Variants in SGPL1 observed in about 807,000 individuals in gnomAD.
SGPL1 encodes the protein SP-lyase 1.
SGPL1 carries 37 observed loss-of-function variants against 68.9 expected under a neutral mutation model. The observed-to-expected ratio is 0.54, with a 90% CI of 0.41 to 0.71. The LOEUF is 0.71. Ranked by LOEUF, SGPL1 falls within the 30% of genes least tolerant of loss-of-function variation. SGPL1 has a pLI of 0.00. For missense variants in SGPL1, 551 were observed against 704.6 expected (o/e 0.78, Z 2.47); for synonymous variants, 236 against 248.5 (o/e 0.95, Z 0.47).
At chr10:70,867,736 G>A (rs188860413) in intron 7 of SGPL1, among the ~76,000 whole-genome samples, 36 of 152,224 alleles carry the variant, frequency 2.4e-4, no homozygotes, top group African/African-American at 8.7e-4. Flanking sequence ...GTAAAGAAAT[G>A]TGTTTATCAG....
chr10:70,869,625 T>C (rs1230390535), intron 8 of SGPL1, among the ~76,000 whole-genome samples, 167 bp from the exon 9 acceptor site: 3 of 152,212 alleles, frequency 2.0e-5, no homozygotes, highest in Admixed American at 1.3e-4. Flanking sequence ...TCAGTTGGCC[T>C]CTTTTTGGGT....
At chr10:70,824,221 A>G (rs1845391842) in intron 2 of SGPL1, among the ~76,000 whole-genome samples, 1 of 152,150 alleles carries the variant, frequency 6.6e-6, no homozygotes, top group Non-Finnish European at 1.5e-5. Context: ...GACCATTTTC[A>G]GCATAAAAGC....
intron 6 of SGPL1, among the ~76,000 whole-genome samples, chr10:70,858,627 T>G (rs1345970687): frequency 6.6e-6 from 1 of 152,248 alleles, no homozygotes; most frequent in Non-Finnish European, 1.5e-5. Context: ...CTTCCCATTA[T>G]CTACAGGATG....
intron 14 of SGPL1, among the ~76,000 whole-genome samples, chr10:70,876,889 A>G (rs947013097): frequency 6.6e-6 from 1 of 152,250 alleles, no homozygotes; most frequent in Non-Finnish European, 1.5e-5. Context: ...ACTTCTGTAT[A>G]AAAGCAGCTG....
chr10:70,861,343 C>T lies in SGPL1; in HGVS notation c.615+1844C>T, dbSNP rs558550325. 2.6e-5 allele frequency among the ~76,000 whole-genome samples: 4 copies of T among 152,240 alleles called. No homozygotes were observed. In the East Asian group the frequency reaches 7.7e-4, roughly 29 times the overall value. ...AGAGCAGCCAGAGAAAATAGATTAC[C>T]TACAAAGGCATAACTGTTAGGACAA... On this transcript the variant is annotated intron_variant, in intron 7 of 14. Coordinates refer to ENST00000373202, the MANE Select transcript of SGPL1 (RefSeq NM_003901.4).
chr10:70,878,461 A>G lies in SGPL1; in HGVS notation c.*1126A>G, dbSNP rs560007421. 6.6e-6 allele frequency: 1 copy of G among 152,356 alleles called. No homozygotes were observed. The highest frequency in any genetic ancestry group is 1.9e-4 in the East Asian group (1 of 5,196). The allele number at this position is 152,356 out of a possible 1,614,324, so 9.4% of individuals were successfully genotyped here. A position where few individuals can be genotyped will look rare whatever the true frequency, so the allele number is the denominator to read the frequency against. ...CATGGTGCCGCCTTCCTGAATTGGC[A>G]GTGGTCAGAGCACACCTGAACCCTA... On this transcript the variant is annotated 3_prime_UTR_variant, in exon 15 of 15. Transcript: ENST00000373202.
At chr10:70,861,482 C>CA (rs1846052813) in intron 7 of SGPL1, among the ~76,000 whole-genome samples, 1 of 152,178 alleles carries the variant, frequency 6.6e-6, no homozygotes, top group Non-Finnish European at 1.5e-5. Context: ...AGCGTGCTGG[C>CA]AGTCCTCACA....
At position 70,857,656 on chromosome 10, in the gene SGPL1, G is replaced by C; in HGVS notation, c.452G>C (p.Ser151Thr). Residue 151 changes from serine (S) to threonine (T), a missense_variant, in exon 6 of 15, where the codon AGT (serine) becomes ACT (threonine). By Grantham distance (58) the Ser-to-Thr change is moderately conservative (BLOSUM62 1). Coordinates refer to ENST00000373202, the MANE Select transcript of SGPL1 (RefSeq NM_003901.4). ...QEGRASGTVY[S>T]GEEKLTELLV... ...GGGAGAGCCTCTGGAACAGTGTACA[G>C]TGGGGAGGAGAAGCTCACTGAGCTC... 1 of 1,613,196 alleles carries C rather than the reference G, an allele frequency of 6.2e-7. No homozygotes were observed. Among genetic ancestry groups the C allele is most frequent in the Non-Finnish European group, 8.5e-7 (1 of 1,179,518 alleles).
intron 7 of SGPL1, among the ~76,000 whole-genome samples, chr10:70,861,474 C>T (rs1457440581): frequency 6.6e-6 from 1 of 152,172 alleles, no homozygotes; most frequent in South Asian, 2.1e-4. Flanking sequence ...GAGGTCACAG[C>T]GTGCTGGCAG....
intron 2 of SGPL1, among the ~76,000 whole-genome samples, chr10:70,839,558 T>A (rs1468401050): frequency 6.6e-6 from 1 of 152,110 alleles, no homozygotes; most frequent in Admixed American, 6.6e-5. Context: ...GATAAAGACA[T>A]AAAGATTGAT....
rs1419127413 is a variant in SGPL1, at chr10:70,819,932, C to G, written c.27+3052C>G. Among the ~76,000 whole-genome samples, 13 of 152,294 alleles carry G rather than the reference C, an allele frequency of 8.5e-5. No homozygotes were observed. The East Asian group carries it at 2.3e-3, about 27-fold the overall frequency. On this transcript the variant is annotated intron_variant, in intron 2 of 14. Coordinates refer to ENST00000373202, the MANE Select transcript of SGPL1 (RefSeq NM_003901.4). ...GGATTACAGGCATGAGCCACTGTACCTGGCCTGTGATGCAGCTTATATTAT... is the reference window on the plus strand; with the variant it reads ...GGATTACAGGCATGAGCCACTGTACGTGGCCTGTGATGCAGCTTATATTAT...
At chr10:70,825,657 T>C (rs1270614941) in intron 2 of SGPL1, among the ~76,000 whole-genome samples, 1 of 152,166 alleles carries the variant, frequency 6.6e-6, no homozygotes, top group Non-Finnish European at 1.5e-5. Flanking sequence ...CCTTTAAAAG[T>C]ACTGCAGTCC....
intron 7 of SGPL1, chr10:70,860,343 G>A: frequency 4.3e-6 from 2 of 462,038 alleles, no homozygotes; most frequent in Non-Finnish European, 8.9e-6. Flanking sequence ...TTTAATTATT[G>A]AAGGGCCCAT....
At chr10:70,826,100 G>A (rs561690265) in intron 2 of SGPL1, among the ~76,000 whole-genome samples, 2 of 152,122 alleles carry the variant, frequency 1.3e-5, no homozygotes, top group East Asian at 3.9e-4. Context: ...CATGAGAATC[G>A]CTTGAACGCG....
At chr10:70,829,712 C>T (rs906071992) in intron 2 of SGPL1, among the ~76,000 whole-genome samples, 6 of 152,000 alleles carry the variant, frequency 3.9e-5, no homozygotes, top group South Asian at 2.1e-4. Flanking sequence ...AAATTAGAGC[C>T]GAAGGTTTTG....
At position 70,859,766 on chromosome 10, in the gene SGPL1, A is replaced by G. The variant is rs1261940681; in HGVS notation, c.615+267A>G. Among the ~76,000 whole-genome samples, 3 of 152,210 alleles carry G rather than the reference A, an allele frequency of 2.0e-5. No homozygotes were observed. In the East Asian group the frequency reaches 5.8e-4, roughly 29 times the overall value. On this transcript the variant is annotated intron_variant, in intron 7 of 14. Coordinates refer to ENST00000373202, the MANE Select transcript of SGPL1 (RefSeq NM_003901.4). ...AACATTTTGGTATATATTCTTCTAGATATTTTTATTTTCACCTTTTTATTT... is the reference window on the plus strand; with the variant it reads ...AACATTTTGGTATATATTCTTCTAGGTATTTTTATTTTCACCTTTTTATTT...
rs1359889606 is a variant in SGPL1, at chr10:70,878,701, GAA to G, written c.*1368_*1369del. ...GCCTTGACTTACCCTAGGTGGGTGTGAAAGAGCACCCGTAGCAAGGAAAATTT... is the reference window on the plus strand; with the variant it reads ...GCCTTGACTTACCCTAGGTGGGTGTGAGAGCACCCGTAGCAAGGAAAATTT... On this transcript the variant is annotated 3_prime_UTR_variant, in exon 15 of 15. Coordinates refer to ENST00000373202, the MANE Select transcript of SGPL1 (RefSeq NM_003901.4). 6.6e-6 allele frequency: 1 copy of G among 152,204 alleles called. No homozygotes were observed. The highest frequency in any genetic ancestry group is 1.5e-5 in the Non-Finnish European group (1 of 68,032). 9.4% of individuals were successfully genotyped at this position (152,204 alleles called of 1,614,324 possible).
At chr10:70,835,233 T>C (rs190849878) in intron 2 of SGPL1, among the ~76,000 whole-genome samples, 124 of 152,354 alleles carry the variant, frequency 8.1e-4, no homozygotes, top group African/African-American at 2.8e-3. Context: ...AGAAGACTTA[T>C]ATCCTCCTCC....
intron 3 of SGPL1, among the ~76,000 whole-genome samples, chr10:70,846,186 T>G (rs1845789040): frequency 6.6e-6 from 1 of 152,200 alleles, no homozygotes; most frequent in Admixed American, 6.5e-5. Context: ...TGCAAGATTT[T>G]CTGATAAACT....
Sources: allele counts gnomAD v4.1 joint callset (sites outside exome capture counted in the v4.1 genomes callset), GRCh38; gene constraint gnomAD v4.1.1; transcripts MANE v1.5; gene names NCBI Gene and HGNC (gene_info 2026-07-23, HGNC 2026-07-21).